DICER1: variants seen among roughly 807,000 people sequenced by gnomAD.
The protein encoded by DICER1 is dicer 1, ribonuclease III, also known as endoribonuclease Dicer.
DICER1 carries 43 observed loss-of-function variants against 194.1 expected under a neutral mutation model. The observed-to-expected ratio is 0.22, with a 90% CI of 0.17 to 0.29. The LOEUF is 0.29. DICER1 is among the 10% of genes least tolerant of loss of function. The pLI is 1.00. For missense variants in DICER1, 1,608 were observed against 2,317.0 expected, an observed-to-expected ratio of 0.69 and a Z score of 6.28; for synonymous variants, 832 against 820.5, an observed-to-expected ratio of 1.01 and a Z score of -0.24.
chr14:95,133,281 T>C (rs1283601555), intron 2 of DICER1, 34 bp downstream of exon 2: 1 of 1,610,630 alleles, frequency 6.2e-7, no homozygotes. Context: ...CATTTTAGTG[T>C]AGAATGCTCC....
intron 13 of DICER1, 73 bp from the exon 14 acceptor site, chr14:95,111,529 A>T: frequency 1.3e-6 from 2 of 1,507,226 alleles, no homozygotes; most frequent in Non-Finnish European, 1.8e-6. Context: ...TTAGAACAGA[A>T]CTATGTTAGA....
rs1302756720 is a variant in DICER1 at position 95,088,775 on chromosome 14, C to T, written c.*1723G>A. ...GAGCTGACAGTTTTCTGTCGGTGCA[C>T]TCGCACAGAGGCATTTCTCTGTGGG... On this transcript the variant is annotated 3_prime_UTR_variant, in exon 27 of 27. Transcript: ENST00000343455. The T allele has an allele frequency of 4.3e-6, 1 of 231,694 alleles. No individual in the cohort carries two copies. Among genetic ancestry groups the T allele is most frequent in the Non-Finnish European group, 8.5e-6 (1 of 117,568 alleles). 14.4% of individuals were successfully genotyped at this position (231,694 alleles called of 1,614,324 possible).
At chr14:95,130,277 A>T in intron 4 of DICER1, 85 bp from the exon 5 acceptor site, 1 of 1,330,162 alleles carries the variant, frequency 7.5e-7, no homozygotes, top group Non-Finnish European at 1.1e-6. Flanking sequence ...GAGCCATTGT[A>T]TCATAAGTGA....
intron 14 of DICER1, among the ~76,000 whole-genome samples, chr14:95,109,220 C>T (rs987899992): frequency 6.6e-6 from 1 of 152,142 alleles, no homozygotes; most frequent in South Asian, 2.1e-4. Context: ...TGCTGCTAGG[C>T]TTTCAATATT....
At chr14:95,090,967 T>C (rs1289291971) in intron 26 of DICER1, 67 bp downstream of exon 26, 7 of 1,419,280 alleles carry the variant, frequency 4.9e-6, no homozygotes, top group Non-Finnish European at 6.9e-6. Context: ...GTTTACAATA[T>C]CTTTGTGAAC....
At chr14:95,101,985 T>G (rs1043594541) in intron 21 of DICER1, among the ~76,000 whole-genome samples, 12 of 152,130 alleles carry the variant, frequency 7.9e-5, no homozygotes, top group African/African-American at 2.9e-4. Context: ...CAAGTGACCT[T>G]GGGCAAGCTA....
At chr14:95,130,670 G>T (rs147563150) in intron 4 of DICER1, among the ~76,000 whole-genome samples, 1 of 152,310 alleles carries the variant, frequency 6.6e-6, no homozygotes. Context: ...CTAGTAGGCT[G>T]GGCTGTTTCA....
intron 1 of DICER1, among the ~76,000 whole-genome samples, chr14:95,139,078 T>C (rs1450418617): frequency 2.0e-5 from 3 of 152,146 alleles, no homozygotes; most frequent in South Asian, 2.1e-4. Context: ...GTAATCCCTG[T>C]TGGCTGAAAG....
chr14:95,117,872 C>T (rs1012888431), intron 8 of DICER1, 118 bp from the exon 9 acceptor site: 28 of 906,674 alleles, frequency 3.1e-5, no homozygotes, highest in African/African-American at 2.5e-4. Flanking sequence ...CCTAACAAAA[C>T]GGTCTTGGTC....
chr14:95,128,039 A>T (rs1298340549), intron 6 of DICER1, among the ~76,000 whole-genome samples: 1 of 152,178 alleles, frequency 6.6e-6, no homozygotes, highest in Non-Finnish European at 1.5e-5. Context: ...TTTTTAATGT[A>T]TTTTTAAATC....
At chr14:95,111,000 C>T (rs1891904646) in intron 14 of DICER1, among the ~76,000 whole-genome samples, 1 of 152,108 alleles carries the variant, frequency 6.6e-6, no homozygotes. Flanking sequence ...AGAATCACAC[C>T]ACTAAACTGA....
rs764223602 is a variant in DICER1, at chr14:95,129,475, T to C, written c.731A>G (p.Asp244Gly). The C allele has an allele frequency of 1.9e-6, 3 of 1,613,542 alleles. No homozygotes were observed. The highest frequency in any genetic ancestry group is 2.2e-5 in the South Asian group (2 of 91,076). ...AETATDLVVL[D>G]RYTSQPCEIV... The stretch of plus-strand genomic sequence containing the variant: ...TGAGTCAATCAGAAGTGCATACCTG[T>C]CTAAGACCACCAGGTCAGTTGCAGT... The change falls in exon 6 of 27, where the codon GAC (aspartate) becomes GGC (glycine). Residue 244 changes from aspartate (D) to glycine (G), a missense_variant. Transcript: ENST00000343455.
chr14:95,154,061 T>C (rs1426466839), intron 1 of DICER1, among the ~76,000 whole-genome samples: 2 of 152,224 alleles, frequency 1.3e-5, no homozygotes, highest in Non-Finnish European at 2.9e-5. Flanking sequence ...GGCTCCAACT[T>C]TCTCTTTATA....
rs542398644 is a variant in DICER1 at position 95,112,225 on chromosome 14, C to G, written c.2063G>C (p.Arg688Pro). ...SIVGPPMSCV[R>P]LAERVVALIC... The stretch of plus-strand genomic sequence containing the variant: ...GAGAGCTACAACTCTTTCAGCCAAT[C>G]GTACACAGCTCATTGGTGGACCCTG... The change falls in exon 13 of 27, where the codon CGA (arginine) becomes CCA (proline). Residue 688 changes from arginine to proline, a missense_variant. Physicochemically the swap from Arg to Pro is moderately radical, Grantham distance 103 (BLOSUM62 -2). Around this residue, in one of 10 missense-constraint regions of DICER1, gnomAD observed 657 missense variants for 910.1 expected, o/e 0.72. Coordinates refer to ENST00000343455, the MANE Select transcript of DICER1 (RefSeq NM_177438.3). 5 of 1,613,990 alleles carry G rather than the reference C, an allele frequency of 3.1e-6. No homozygotes were observed. The highest frequency in any genetic ancestry group is 4.2e-6 in the Non-Finnish European group (5 of 1,179,952).
chr14:95,156,219 C>T (rs193084170), intron 1 of DICER1, among the ~76,000 whole-genome samples: 61 of 152,320 alleles, frequency 4.0e-4, no homozygotes, highest in African/African-American at 1.4e-3. Context: ...AAAACAAGCA[C>T]CACGAAGACA....
At chr14:95,149,337 T>C (rs908763262) in intron 1 of DICER1, among the ~76,000 whole-genome samples, 2 of 152,048 alleles carry the variant, frequency 1.3e-5, no homozygotes, top group African/African-American at 4.8e-5. Context: ...CAGGCAAGAG[T>C]GTGACGCACT....
intron 1 of DICER1, chr14:95,136,543 C>T (rs1178952743): frequency 6.6e-6 from 1 of 152,190 alleles, no homozygotes; most frequent in Admixed American, 6.5e-5. Context: ...CAGGGTCTCA[C>T]TATGCTGCCT....
intron 4 of DICER1, among the ~76,000 whole-genome samples, chr14:95,131,206 G>A (rs1168888972): frequency 6.6e-6 from 1 of 151,952 alleles, no homozygotes; most frequent in African/African-American, 2.4e-5. Flanking sequence ...TTTATTGTTA[G>A]TAGAGACAGG....
chr14:95,089,626 G>A lies in DICER1; in HGVS notation c.*872C>T, dbSNP rs551769486. 2.3e-4 allele frequency: 53 copies of A among 231,214 alleles called. No homozygotes were observed. The highest frequency in any genetic ancestry group is 9.9e-4 in the African/African-American group (45 of 45,320). 14.3% of individuals were successfully genotyped at this position (231,214 alleles called of 1,614,324 possible). Reference sequence around the variant, plus strand: ...ATCATTTTTATGATAAAAAATATCCGTAGACTACATATTCTGGTTTTTAAA... The same window carrying A: ...ATCATTTTTATGATAAAAAATATCCATAGACTACATATTCTGGTTTTTAAA... On this transcript the variant is annotated 3_prime_UTR_variant, in exon 27 of 27. Coordinates refer to ENST00000343455, the MANE Select transcript of DICER1 (RefSeq NM_177438.3).
Sources: gnomAD v4.1 joint callset for allele counts (sites outside exome capture counted in the v4.1 genomes callset) on GRCh38, gnomAD v4.1.1 for gene constraint, gnomAD v4.1.1 regional missense constraint, MANE v1.5 for transcripts, NCBI Gene and HGNC (gene_info 2026-07-23, HGNC 2026-07-21) for gene names.